CARS2: variants seen among roughly 807,000 people sequenced by gnomAD.
The protein encoded by CARS2 is cysteinyl-tRNA synthetase 2, mitochondrial.
CARS2 carries 52 observed loss-of-function variants against 68.8 expected under a neutral mutation model. The observed-to-expected ratio is 0.76, with a 90% CI of 0.61 to 0.95. The LOEUF (loss-of-function observed/expected upper bound fraction) is 0.95. Ranked by LOEUF, CARS2 falls within the 40% of genes least tolerant of loss-of-function variation. CARS2 has a pLI of 0.00. For missense variants in CARS2, 780 were observed against 754.2 expected, an observed-to-expected ratio of 1.03 and a Z score of -0.40; for synonymous variants, 314 against 303.6, an observed-to-expected ratio of 1.03 and a Z score of -0.36.
chr13:110,644,667 G>C (rs2139675029), intron 12 of CARS2, 184 bp from the exon 13 acceptor site: 1 of 1,013,944 alleles, frequency 9.9e-7, no homozygotes, highest in Non-Finnish European at 1.4e-6. Flanking sequence ...ACAACTATAG[G>C]TGCATGAGGA....
Position 110,646,021 on chromosome 13 carries a change from A to G in CARS2, c.1263T>C (p.Asp421=). The G allele has an allele frequency of 6.2e-7, 1 of 1,613,888 alleles. No individual in the cohort carries two copies. Among genetic ancestry groups the G allele is most frequent in the Non-Finnish European group, 8.5e-7 (1 of 1,179,920 alleles). ...CGTGGTGTGCAAGGCCCAGGATGGC[A>G]TCAACCACCCTGGGTGTGTCAAAAT... ...ADDFDTPRVV[D]AILGLAHHGN... Residue 421 remains aspartate (D), a synonymous_variant, in exon 12 of 15, where the codon GAT becomes GAC. Transcript: ENST00000257347.
In CARS2 at chr13:110,644,348, A is replaced by G. The variant is rs762355723; in HGVS notation, c.1416+37T>C. On this transcript the variant is annotated intron_variant, in intron 13 of 14. Transcript: ENST00000257347. ...AAGGTTATTGTCCCAACATGGAGAA[A>G]ATTCCAGAATTAAGCATTTAAAATA... is the stretch of plus-strand genomic sequence containing the variant. 3.8e-6 allele frequency: 6 copies of G among 1,582,718 alleles called. No homozygotes were observed. The South Asian group carries it at 6.6e-5, about 18-fold the overall frequency.
chr13:110,677,503 C>A (rs2062994149), intron 6 of CARS2, among the ~76,000 whole-genome samples: 1 of 136,946 alleles, frequency 7.3e-6, no homozygotes, highest in African/African-American at 2.8e-5. Flanking sequence ...CAGTCACCCC[C>A]ACCAGGGAGA....
chr13:110,701,598 C>A, intron 2 of CARS2, 43 bp from the exon 3 acceptor site: 1 of 870,192 alleles, frequency 1.1e-6, no homozygotes, highest in South Asian at 1.3e-5. Flanking sequence ...TACACAAAGT[C>A]ATCAGTTATC....
chr13:110,665,625 C>T lies in CARS2; in HGVS notation c.919+1715G>A, dbSNP rs1435319260. Reference sequence around the variant, plus strand: ...CACAGCAGGTCATGGTTGTCAGTAACAAACCCTGACCTACTGAACAGGATA... The same window carrying T: ...CACAGCAGGTCATGGTTGTCAGTAATAAACCCTGACCTACTGAACAGGATA... On this transcript the variant is annotated intron_variant, in intron 8 of 14. Transcript: ENST00000257347. The surrounding 1 kb of genome is among the most constrained non-coding windows in gnomAD (Gnocchi z 4.3). 30 of 985,300 alleles carry T rather than the reference C, an allele frequency of 3.0e-5. No individual in the cohort carries two copies. Among genetic ancestry groups the T allele is most frequent in the Non-Finnish European group, 3.6e-5 (30 of 829,950 alleles). 61.0% of individuals were successfully genotyped at this position (985,300 alleles called of 1,614,324 possible).
rs759580446 is a variant in CARS2 at position 110,641,640 on chromosome 13, C to T, written c.1624-32G>A. ...AAGAAGAGTGAGGTCCAACTCTGAGCAGACACCACGTCATGTGGCACAGGG... is the reference window on the plus strand; with the variant it reads ...AAGAAGAGTGAGGTCCAACTCTGAGTAGACACCACGTCATGTGGCACAGGG... On this transcript the variant is annotated intron_variant, in intron 14 of 14. Transcript: ENST00000257347. 74 of 1,547,316 alleles carry T rather than the reference C, an allele frequency of 4.8e-5. 1 individual carries two copies. The South Asian group carries it at 7.9e-4, about 17-fold the overall frequency.
rs910538178 is a variant in CARS2 at position 110,676,489 on chromosome 13, G to C, written c.785+485C>G. Among the ~76,000 whole-genome samples, 1 of 152,166 alleles carries C rather than the reference G, an allele frequency of 6.6e-6. No homozygotes were observed. Among genetic ancestry groups the C allele is most frequent in the African/African-American group, 2.4e-5 (1 of 41,440 alleles). On this transcript the variant is annotated intron_variant, in intron 7 of 14. Coordinates refer to ENST00000257347, the MANE Select transcript of CARS2 (RefSeq NM_024537.4). This position sits in a 1 kb window ranked among gnomAD's most constrained non-coding sequence, Gnocchi z 4.0. ...AGTGGGAAGAGGAGCTTTGGTGACA[G>C]AGGACCCACATGAGGGTGGCTGGGG...
At chr13:110,692,331 C>T (rs1315627458) in intron 3 of CARS2, among the ~76,000 whole-genome samples, 1 of 151,606 alleles carries the variant, frequency 6.6e-6, no homozygotes, top group Non-Finnish European at 1.5e-5. Flanking sequence ...ATTAGATGGG[C>T]GTGGTGGCAC....
At chr13:110,707,477 T>C, upstream of CARS2, 1 of 151,992 alleles carries the variant, frequency 6.6e-6, no homozygotes, top group East Asian at 1.9e-4. Flanking sequence ...TGAAACCCCG[T>C]CTCTACTAAA....
chr13:110,713,185 G>C lies in CARS2; in HGVS notation n.351C>G, dbSNP rs577347252. ...GTGATTGGGCTGTCAAAGTGATGTTGGCAAGTAGATTGGCTACTGCGGTTG... is the reference window on the plus strand; with the variant it reads ...GTGATTGGGCTGTCAAAGTGATGTTCGCAAGTAGATTGGCTACTGCGGTTG... On this transcript the variant is annotated non_coding_transcript_exon_variant, in exon 1 of 3. Coordinates refer to the CARS2 transcript ENST00000485188. 12 of 1,426,528 alleles carry C rather than the reference G, an allele frequency of 8.4e-6. No homozygotes were observed. In the African/African-American group the frequency reaches 1.4e-4, roughly 17 times the overall value. 88.4% of individuals were successfully genotyped at this position (1,426,528 alleles called of 1,614,324 possible).
chr13:110,704,239 T>C (rs74714730), intron 2 of CARS2, among the ~76,000 whole-genome samples: 7,764 of 152,316 alleles, frequency 0.051, 420 homozygotes, highest in African/African-American at 0.12. Flanking sequence ...CATCCCCTTC[T>C]GGTTTAAGGC....
chr13:110,644,201 G>A (rs577591419), intron 13 of CARS2, 184 bp downstream of exon 13: 10 of 1,464,164 alleles, frequency 6.8e-6, no homozygotes, highest in Non-Finnish European at 9.1e-6. Flanking sequence ...GTAGAATTGT[G>A]CAATTCCAAT....
upstream of CARS2, among the ~76,000 whole-genome samples, chr13:110,710,440 C>T (rs2064017788): frequency 6.6e-6 from 1 of 151,572 alleles, no homozygotes; most frequent in African/African-American, 2.4e-5. Context: ...TAGGTTTGAG[C>T]ATTTTCAGTT....
At position 110,706,044 on chromosome 13, in the gene CARS2, G is replaced by A; in HGVS notation, c.50C>T (p.Ala17Val). Reference protein sequence around the residue: ...GPGLGPPLLQAALGLGRAGWH... With the variant: ...GPGLGPPLLQVALGLGRAGWH... ...CCCAGCCCGCCCAAGGCCCAGCGCG[G>A]CCTGGAGCAGCGGGGGGCCCAGGCC... The change falls in exon 1 of 15, where the codon GCC becomes GTC. Residue 17 changes from alanine to valine, a missense_variant. Ala to Val is a moderately conservative substitution (Grantham distance 64). Transcript: ENST00000257347. The A allele has an allele frequency of 7.3e-7, 1 of 1,367,186 alleles. No homozygotes were observed. The highest frequency in any genetic ancestry group is 3.2e-5 in the Admixed American group (1 of 31,302). The allele number at this position is 1,367,186 out of a possible 1,614,324, so 84.7% of individuals were successfully genotyped here. A position where few individuals can be genotyped will look rare whatever the true frequency, so the allele number is the denominator to read the frequency against.
At chr13:110,677,459 C>T (rs111337923) in intron 6 of CARS2, among the ~76,000 whole-genome samples, 5 of 145,628 alleles carry the variant, frequency 3.4e-5, no homozygotes, top group African/African-American at 1.1e-4. Flanking sequence ...CACCCCACCA[C>T]GGACACGCAG....
At position 110,665,508 on chromosome 13, in the gene CARS2, A is replaced by T; in HGVS notation, c.919+1832T>A. 1 of 985,400 alleles carries T rather than the reference A, an allele frequency of 1.0e-6. No individual in the cohort carries two copies. The highest frequency in any genetic ancestry group is 1.2e-6 in the Non-Finnish European group (1 of 829,950). The allele number at this position is 985,400 out of a possible 1,614,324, so 61.0% of individuals were successfully genotyped here. A position where few individuals can be genotyped will look rare whatever the true frequency, so the allele number is the denominator to read the frequency against. On this transcript the variant is annotated intron_variant, in intron 8 of 14. Transcript: ENST00000257347. This position sits in a 1 kb window ranked among gnomAD's most constrained non-coding sequence, Gnocchi z 4.3. ...AGGTGAACACGACCTCCGTTTCTAG[A>T]CCCGGCCCCTCCTCATTACCTGACA...
At chr13:110,650,675 G>T (rs1262813157) in intron 10 of CARS2, 1 of 228,232 alleles carries the variant, frequency 4.4e-6, no homozygotes, top group South Asian at 8.1e-5. Flanking sequence ...GACAGGCAGG[G>T]TCACGTTTGA....
At chr13:110,663,717 T>G in intron 8 of CARS2, 199 bp from the exon 9 acceptor site, 1 of 1,347,710 alleles carries the variant, frequency 7.4e-7, no homozygotes, top group Non-Finnish European at 9.5e-7. Flanking sequence ...TGTTCCACGG[T>G]GCAGGGACAC....
chr13:110,692,260 G>A (rs1263101528), intron 3 of CARS2, among the ~76,000 whole-genome samples: 5 of 151,368 alleles, frequency 3.3e-5, no homozygotes, highest in African/African-American at 4.8e-5. Flanking sequence ...ACCTGAGGCC[G>A]GGAGTTCAAG....
Sources: gnomAD v4.1 joint callset for allele counts (sites outside exome capture counted in the v4.1 genomes callset) on GRCh38, gnomAD v4.1.1 for gene constraint, Gnocchi (gnomAD v3.1) non-coding constraint, MANE v1.5 for transcripts, NCBI Gene and HGNC (gene_info 2026-07-23, HGNC 2026-07-21) for gene names.